Variants in NFATC2 observed in about 807,000 individuals in gnomAD.
NFATC2 encodes nuclear factor of activated T cells 2.
Under a neutral mutation model 87.3 loss-of-function variants are expected in NFATC2, and 22 were observed. The observed-to-expected ratio is 0.25, with a 90% CI of 0.18 to 0.36. The LOEUF is 0.36. Among genes scored for constraint, NFATC2 ranks in the 10% least tolerant of loss-of-function variants. NFATC2 has a pLI of 1.00. For synonymous variants in NFATC2, 565 were observed against 542.2 expected, an observed-to-expected ratio of 1.04 and a Z score of -0.58; for missense variants, 1,149 against 1,259.1, an observed-to-expected ratio of 0.91 and a Z score of 1.32.
chr20:51,477,576 T>A (rs4396774), intron 3 of NFATC2, among the ~76,000 whole-genome samples: 5,390 of 73,726 alleles, frequency 0.073, 224 homozygotes, highest in African/African-American at 0.17. Flanking sequence ...TATATATATA[T>A]ATATAAAATA....
At chr20:51,438,890 G>A (rs1243166335) in intron 6 of NFATC2, among the ~76,000 whole-genome samples, 1 of 152,216 alleles carries the variant, frequency 6.6e-6, no homozygotes, top group Non-Finnish European at 1.5e-5. Context: ...TTAAATCACA[G>A]CCTTTAAGCA....
chr20:51,500,646 ACCACCCCC>A (rs2076064352), intron 3 of NFATC2, among the ~76,000 whole-genome samples: 4 of 26,964 alleles, frequency 1.5e-4, no homozygotes, highest in Admixed American at 4.4e-4. Flanking sequence ...CCTCACCCTC[ACCACCCCC>A]CCCTCCACCC....
At chr20:51,461,829 G>A (rs768858557) in intron 5 of NFATC2, among the ~76,000 whole-genome samples, 6 of 152,190 alleles carry the variant, frequency 3.9e-5, no homozygotes, top group East Asian at 1.9e-4. Context: ...TAATAACAGC[G>A]GACAGGCTGG....
intron 10 of NFATC2, among the ~76,000 whole-genome samples, chr20:51,397,864 T>TAAATAACAGCAACA (rs1385364782): frequency 5.3e-5 from 8 of 152,184 alleles, no homozygotes; most frequent in African/African-American, 1.4e-4. Flanking sequence ...TGGAGAAGAT[T>TAAATAACAGCAACA]AAATAACAGC....
chr20:51,449,518 T>C (rs1292439012), intron 6 of NFATC2, among the ~76,000 whole-genome samples: 1 of 152,190 alleles, frequency 6.6e-6, no homozygotes, highest in African/African-American at 2.4e-5. Context: ...GGAAACACAC[T>C]AGAGAATTCA....
intron 10 of NFATC2, among the ~76,000 whole-genome samples, chr20:51,393,238 T>C (rs1379218685): frequency 7.0e-6 from 1 of 142,962 alleles, no homozygotes; most frequent in East Asian, 2.1e-4. Flanking sequence ...GCCACTTCCT[T>C]GCTTGGTGAA....
intron 3 of NFATC2, among the ~76,000 whole-genome samples, chr20:51,502,081 G>C (rs1249349237): frequency 6.6e-6 from 1 of 152,210 alleles, no homozygotes; most frequent in Non-Finnish European, 1.5e-5. Context: ...TTAAGTTGCA[G>C]CAGGGCCTGA....
chr20:51,398,191 T>C (rs1226501856), intron 10 of NFATC2, among the ~76,000 whole-genome samples: 1 of 152,066 alleles, frequency 6.6e-6, no homozygotes, highest in African/African-American at 2.4e-5. Context: ...GGATTGGAAA[T>C]GACCTAAGCA....
intron 9 of NFATC2, among the ~76,000 whole-genome samples, chr20:51,401,627 C>A (rs1170402151): frequency 6.6e-6 from 1 of 152,120 alleles, no homozygotes; most frequent in Admixed American, 6.6e-5. Context: ...ATCTACAAAT[C>A]CTCCCAAAGA....
intron 3 of NFATC2, among the ~76,000 whole-genome samples, chr20:51,505,685 T>C (rs2076167050): frequency 1.3e-5 from 2 of 152,284 alleles, no homozygotes; most frequent in African/African-American, 4.8e-5. Flanking sequence ...CCCAGATGCT[T>C]GGCCTTGAGG....
chr20:51,562,488 C>T lies in NFATC2; in HGVS notation c.70+72G>A, dbSNP rs753650524. The T allele has an allele frequency of 4.4e-6, 6 of 1,375,338 alleles. No individual in the cohort carries two copies. In the East Asian group the frequency reaches 1.3e-4, roughly 29 times the overall value. The allele number at this position is 1,375,338 out of a possible 1,614,324, so 85.2% of individuals were successfully genotyped here. A position where few individuals can be genotyped will look rare whatever the true frequency, so the allele number is the denominator to read the frequency against. Reference sequence around the variant, plus strand: ...TCTGCCGGGAGCTGAAAGTGCTGCCCGGGACGGGAGCAGCAGGAAAGGGCC... The same window carrying T: ...TCTGCCGGGAGCTGAAAGTGCTGCCTGGGACGGGAGCAGCAGGAAAGGGCC... On this transcript the variant is annotated intron_variant, in intron 1 of 10. Transcript: ENST00000414705. The surrounding 1 kb of genome is among the most constrained non-coding windows in gnomAD (Gnocchi z 5.8).
intron 1 of NFATC2, 126 bp downstream of exon 1, chr20:51,542,244 G>A (rs2076830840): frequency 8.0e-7 from 1 of 1,244,962 alleles, no homozygotes; most frequent in Admixed American, 3.5e-5. Context: ...CACCTGGGTA[G>A]GGGCACCCTC....
chr20:51,499,253 T>C (rs1021341941), intron 3 of NFATC2, among the ~76,000 whole-genome samples: 9 of 151,472 alleles, frequency 5.9e-5, no homozygotes, highest in Non-Finnish European at 1.2e-4. Context: ...GGGAAACCAG[T>C]TAGGAGGCTG....
At chr20:51,562,824 A>G (rs2077044654), upstream of NFATC2, 1 of 532,802 alleles carries the variant, frequency 1.9e-6, no homozygotes, top group Non-Finnish European at 3.3e-6. This position sits in a 1 kb window ranked among gnomAD's most constrained non-coding sequence, Gnocchi z 5.8. Context: ...GATCCGGCTT[A>G]CTCCAGAGGC....
chr20:51,492,821 A>T (rs1314096786), intron 3 of NFATC2, among the ~76,000 whole-genome samples: 1 of 152,098 alleles, frequency 6.6e-6, no homozygotes, highest in Non-Finnish European at 1.5e-5. Flanking sequence ...TTTCCTTTCA[A>T]CTGCCTCCAA....
Position 51,523,902 on chromosome 20 carries a change from G to A in NFATC2, c.339C>T (p.Ile113=), listed in dbSNP as rs767867899. The A allele has an allele frequency of 1.2e-6, 2 of 1,606,734 alleles. No homozygotes were observed. Among genetic ancestry groups the A allele is most frequent in the Non-Finnish European group, 8.5e-7 (1 of 1,177,804 alleles). Residue 113 remains isoleucine (I), a synonymous_variant, in exon 2 of 11, where the codon ATC becomes ATT. Coordinates refer to ENST00000371564, the MANE Select transcript of NFATC2 (RefSeq NM_012340.5). The surrounding 1 kb of genome is among the most constrained non-coding windows in gnomAD (Gnocchi z 6.9). ...PAGASGLSPR[I]EITPSHELIQ... ...TCAGTTCGTGGGACGGAGTGATCTC[G>A]ATCCGAGGGCTCAGGCCCGAGGCCC...
At chr20:51,415,411 G>A (rs767792499) in intron 9 of NFATC2, among the ~76,000 whole-genome samples, 4 of 152,080 alleles carry the variant, frequency 2.6e-5, no homozygotes, top group East Asian at 1.9e-4. Flanking sequence ...CACACCACAC[G>A]CAGCAGGTAT....
rs532356913 is a variant in NFATC2, at chr20:51,473,405, C to T, written c.1708+575G>A. On this transcript the variant is annotated intron_variant, in intron 5 of 10. Transcript: ENST00000371564. ...CTCCCACGTGCAAAAGCCCCAGTTCCAATCCCAACCCTGCCACTCTTTGGT... is the reference window on the plus strand; with the variant it reads ...CTCCCACGTGCAAAAGCCCCAGTTCTAATCCCAACCCTGCCACTCTTTGGT... 2.0e-4 allele frequency among the ~76,000 whole-genome samples: 30 copies of T among 152,280 alleles called. No homozygotes were observed. In the East Asian group the frequency reaches 5.8e-3, roughly 29 times the overall value.
chr20:51,500,165 A>T (rs987877479), intron 3 of NFATC2, among the ~76,000 whole-genome samples: 2 of 152,278 alleles, frequency 1.3e-5, no homozygotes, highest in Non-Finnish European at 2.9e-5. Context: ...GAATCCCTCA[A>T]TAAAATGATA....
Sources: gnomAD v4.1 joint callset for allele counts (sites outside exome capture counted in the v4.1 genomes callset) on GRCh38, gnomAD v4.1.1 for gene constraint, Gnocchi (gnomAD v3.1) non-coding constraint, MANE v1.5 for transcripts, NCBI Gene and HGNC (gene_info 2026-07-23, HGNC 2026-07-21) for gene names.